The following MSRA variants were observed in gnomAD, a reference collection of about 807,000 sequenced individuals.
MSRA encodes the protein methionine sulfoxide reductase A.
In MSRA, 54 loss-of-function variants were observed where a neutral mutation model predicts 31.3. That is an observed-to-expected ratio of 1.73 (90% CI 1.39 to 2.17). The LOEUF (loss-of-function observed/expected upper bound fraction) is 2.17. MSRA is among the 30% of genes most tolerant of loss of function. The pLI is 0.00. For synonymous variants in MSRA, 169 were observed against 116.5 expected, an observed-to-expected ratio of 1.45 and a Z score of -2.90; for missense variants, 507 against 300.9, an observed-to-expected ratio of 1.69 and a Z score of -5.07.
At chr8:10,228,503 A>G (rs867085903) in intron 2 of MSRA, among the ~76,000 whole-genome samples, 9 of 152,128 alleles carry the variant, frequency 5.9e-5, no homozygotes, top group South Asian at 4.2e-4. Flanking sequence ...GAATCTATGT[A>G]ATGAATAATT....
At chr8:10,288,149 G>T (rs1460245213) in intron 3 of MSRA, among the ~76,000 whole-genome samples, 1 of 152,176 alleles carries the variant, frequency 6.6e-6, no homozygotes, top group Non-Finnish European at 1.5e-5. Flanking sequence ...ACTGATATTT[G>T]ATTGAATCAG....
chr8:10,365,671 G>C (rs1181567056), intron 5 of MSRA, among the ~76,000 whole-genome samples: 3 of 152,186 alleles, frequency 2.0e-5, no homozygotes, highest in Non-Finnish European at 4.4e-5. Flanking sequence ...CCTGACTCTA[G>C]ATGGAAGAGC....
chr8:10,141,992 C>T (rs1336330869), intron 1 of MSRA, among the ~76,000 whole-genome samples: 1 of 152,140 alleles, frequency 6.6e-6, no homozygotes, highest in South Asian at 2.1e-4. Flanking sequence ...GAGTTTCGCA[C>T]TTGTTTCCCA....
intron 1 of MSRA, among the ~76,000 whole-genome samples, chr8:10,060,714 T>G (rs1048244250): frequency 9.2e-5 from 14 of 151,924 alleles, no homozygotes; most frequent in Admixed American, 8.5e-4. Context: ...AATCAAAATC[T>G]ACATTTTGGC....
At chr8:10,201,158 G>A (rs927632429) in intron 1 of MSRA, among the ~76,000 whole-genome samples, 2 of 152,046 alleles carry the variant, frequency 1.3e-5, no homozygotes, top group Admixed American at 1.3e-4. Context: ...TGAGATAAAT[G>A]CACTTTACTC....
At chr8:10,331,878 GTTTTTATTCATTTAT>G (rs1441708653) in intron 5 of MSRA, among the ~76,000 whole-genome samples, 1 of 152,010 alleles carries the variant, frequency 6.6e-6, no homozygotes, top group Non-Finnish European at 1.5e-5. Flanking sequence ...TTGTTGTATT[GTTTTTATTCATTTAT>G]TTATAATAAT....
chr8:10,063,404 A>G (rs115826888), intron 1 of MSRA, among the ~76,000 whole-genome samples: 39 of 152,312 alleles, frequency 2.6e-4, no homozygotes, highest in African/African-American at 6.7e-4. Context: ...ACACTCTTCA[A>G]TGCTGGACAC....
intron 5 of MSRA, among the ~76,000 whole-genome samples, chr8:10,383,652 T>A (rs1806211409): frequency 6.6e-6 from 1 of 152,180 alleles, no homozygotes; most frequent in African/African-American, 2.4e-5. Context: ...TAAAGTACCT[T>A]ATTCCAGGAA....
In MSRA at chr8:10,418,546, T is replaced by C. The variant is rs1808615975; in HGVS notation, c.544-9602T>C. On this transcript the variant is annotated intron_variant, in intron 5 of 5. Coordinates refer to ENST00000317173, the MANE Select transcript of MSRA (RefSeq NM_012331.5). ...AGGGTCATAGGATCCTTTGAAATTA[T>C]AAGCAAGTATTTGATTGTGAGTTTA... 3.9e-5 allele frequency among the ~76,000 whole-genome samples: 6 copies of C among 152,092 alleles called. No individual in the cohort carries two copies. The South Asian group carries it at 1.2e-3, about 32-fold the overall frequency.
At chr8:10,133,293 C>T (rs1802032612) in intron 1 of MSRA, among the ~76,000 whole-genome samples, 1 of 152,178 alleles carries the variant, frequency 6.6e-6, no homozygotes, top group South Asian at 2.1e-4. Context: ...ATCCTCACGA[C>T]CACTCTGAGA....
At chr8:10,371,354 C>T (rs781575643) in intron 5 of MSRA, among the ~76,000 whole-genome samples, 1 of 151,976 alleles carries the variant, frequency 6.6e-6, no homozygotes, top group African/African-American at 2.4e-5. Context: ...GGAGAGTGTC[C>T]TCAGTCCCCA....
chr8:10,086,975 T>C (rs1798592790), intron 1 of MSRA, among the ~76,000 whole-genome samples: 1 of 151,976 alleles, frequency 6.6e-6, no homozygotes, highest in Non-Finnish European at 1.5e-5. Context: ...GAAGGAGGGC[T>C]CTCAGAATTC....
intron 1 of MSRA, among the ~76,000 whole-genome samples, chr8:10,114,390 T>C (rs532718448): frequency 6.6e-6 from 1 of 152,234 alleles, no homozygotes; most frequent in Non-Finnish European, 1.5e-5. Flanking sequence ...AACCTATGTT[T>C]AACTTTTTGA....
Position 10,169,876 on chromosome 8 carries a change from C to G in MSRA, c.143-37957C>G, listed in dbSNP as rs138746679. On this transcript the variant is annotated intron_variant, in intron 1 of 5. Coordinates refer to ENST00000317173, the MANE Select transcript of MSRA (RefSeq NM_012331.5). The stretch of plus-strand genomic sequence containing the variant: ...GACCCATTAAGCTCACTTATTTGTT[C>G]TTGTAACTTTTTTGCCCATTCCTTG... Among the ~76,000 whole-genome samples, 24 of 147,150 alleles carry G rather than the reference C, an allele frequency of 1.6e-4. 1 individual carries two copies. Among genetic ancestry groups the G allele is most frequent in the African/African-American group, 6.0e-4 (24 of 40,060 alleles).
intron 1 of MSRA, among the ~76,000 whole-genome samples, chr8:10,057,143 A>G (rs1245326240): frequency 6.6e-6 from 1 of 152,180 alleles, no homozygotes; most frequent in African/African-American, 2.4e-5. Flanking sequence ...ATGGATGAAA[A>G]CATGAACAGG....
At chr8:10,206,936 T>C (rs889350957) in intron 1 of MSRA, among the ~76,000 whole-genome samples, 3 of 152,218 alleles carry the variant, frequency 2.0e-5, no homozygotes, top group Admixed American at 6.5e-5. Flanking sequence ...TGCTGAGCCC[T>C]TTGCCTGAAC....
Position 10,221,878 on chromosome 8 carries a change from A to G in MSRA, c.211+13977A>G, listed in dbSNP as rs540464748. ...TGTCCCAGGCAGAAGGAATGCAAGT[A>G]CAAAGGCCCTGAGGCAGGAGTGGCG... On this transcript the variant is annotated intron_variant, in intron 2 of 5. Transcript: ENST00000317173. Among the ~76,000 whole-genome samples, 296 of 152,288 alleles carry G rather than the reference A, an allele frequency of 1.9e-3. 2 individuals carry two copies. The highest frequency in any genetic ancestry group is 6.8e-3 in the African/African-American group (283 of 41,578).
At chr8:10,096,133 G>C (rs1799143355) in intron 1 of MSRA, 1 of 1,248,994 alleles carries the variant, frequency 8.0e-7, no homozygotes. Flanking sequence ...ATGCAGCCCA[G>C]CCAGGAAGTC....
At position 10,219,806 on chromosome 8, in the gene MSRA, CAA is replaced by C. The variant is rs59393980; in HGVS notation, c.211+11926_211+11927del. On this transcript the variant is annotated intron_variant, in intron 2 of 5. Transcript: ENST00000317173. ...GGACGACAGATCGAGACTCTGTCTC[CAA>C]AAAAAAAAAAAAAAAAAAAAGATAT... 1.6e-4 allele frequency among the ~76,000 whole-genome samples: 9 copies of C among 57,124 alleles called. No individual in the cohort carries two copies. In the East Asian group the frequency reaches 5.1e-3, roughly 32 times the overall value. 37.5% of individuals were successfully genotyped at this position (57,124 alleles called of 152,430 possible).
Sources: gnomAD v4.1 joint callset for allele counts (sites outside exome capture counted in the v4.1 genomes callset) on GRCh38, gnomAD v4.1.1 for gene constraint, MANE v1.5 for transcripts, NCBI Gene and HGNC (gene_info 2026-07-23, HGNC 2026-07-21) for gene names.